ACSF3: variants seen among roughly 807,000 people sequenced by gnomAD.
The protein encoded by ACSF3 is acyl-CoA synthetase family member 3.
ACSF3 carries 78 observed loss-of-function variants against 53.2 expected under a neutral mutation model. The observed-to-expected ratio is 1.47, with a 90% CI of 1.22 to 1.77. ACSF3 has a LOEUF of 1.77. Among genes scored for constraint, ACSF3 ranks in the 40% most tolerant of loss-of-function variants. ACSF3 has a pLI of 0.00. For synonymous variants in ACSF3, 414 were observed against 333.1 expected, an observed-to-expected ratio of 1.24 and a Z score of -2.65; for missense variants, 937 against 771.1, an observed-to-expected ratio of 1.22 and a Z score of -2.55.
At chr16:89,111,436 C>G (rs1976664787) in intron 4 of ACSF3, among the ~76,000 whole-genome samples, 1 of 152,230 alleles carries the variant, frequency 6.6e-6, no homozygotes, top group Non-Finnish European at 1.5e-5. Flanking sequence ...TGTCCTGGGC[C>G]TCCCTTAGGT....
chr16:89,153,953 G>T, intron 10 of ACSF3, 137 bp from the exon 11 acceptor site: 1 of 845,618 alleles, frequency 1.2e-6, no homozygotes, highest in Non-Finnish European at 1.9e-6. Flanking sequence ...CGGTGCACCT[G>T]CCTGGCCTCA....
At chr16:89,130,928 G>T (rs1909145311) in intron 7 of ACSF3, among the ~76,000 whole-genome samples, 1 of 152,004 alleles carries the variant, frequency 6.6e-6, no homozygotes, top group Admixed American at 6.6e-5. Context: ...CATTTCTGTT[G>T]CTCTGTCTTC....
At position 89,145,926 on chromosome 16, in the gene ACSF3, T is replaced by C; in HGVS notation, c.1502-12T>C. 6.2e-7 allele frequency: 1 copy of C among 1,611,366 alleles called. No homozygotes were observed. The highest frequency in any genetic ancestry group is 1.7e-4 in the Middle Eastern group (1 of 6,058). ...GCATCCCCATGTTCTCAAACTGTTC[T>C]TCTATCCGCAGATGTGGCTGTGATT... On this transcript the variant is annotated splice_polypyrimidine_tract_variant and intron_variant, in intron 9 of 10. Coordinates refer to ENST00000614302, the MANE Select transcript of ACSF3 (RefSeq NM_001243279.3).
intron 4 of ACSF3, among the ~76,000 whole-genome samples, chr16:89,109,166 C>T (rs561249373): frequency 2.9e-4 from 40 of 139,550 alleles, no homozygotes; most frequent in African/African-American, 8.9e-4. Flanking sequence ...CAGGGGGCGG[C>T]GATTGCAGTG....
chr16:89,114,055 C>T, intron 5 of ACSF3: 1 of 475,274 alleles, frequency 2.1e-6, no homozygotes, highest in Non-Finnish European at 3.9e-6. Context: ...ACACCGCGGA[C>T]CCTAAGCACA....
At chr16:89,124,006 AGGTATCACACGCACGCAGTGTGCACACT>A (rs1272138766) in intron 7 of ACSF3, among the ~76,000 whole-genome samples, 18 of 90,188 alleles carry the variant, frequency 2.0e-4, no homozygotes, top group Middle Eastern at 6.2e-3. Context: ...GTGCACACAC[AGGTATCACACGCACGCAGTGTGCACACT>A]GGTATCACAC....
At chr16:89,101,468 C>G in intron 3 of ACSF3, 121 bp downstream of exon 3, 1 of 1,527,696 alleles carries the variant, frequency 6.5e-7, no homozygotes, top group South Asian at 1.2e-5. Flanking sequence ...TGTCACCATC[C>G]TGCAGACCCG....
At chr16:89,110,520 C>T (rs898268318) in intron 4 of ACSF3, among the ~76,000 whole-genome samples, 8 of 152,368 alleles carry the variant, frequency 5.3e-5, no homozygotes, top group African/African-American at 1.7e-4. Context: ...GGTCTCTTGT[C>T]TAATCTTACA....
At chr16:89,124,497 G>GTGT (rs1378207121) in intron 7 of ACSF3, among the ~76,000 whole-genome samples, 2 of 151,894 alleles carry the variant, frequency 1.3e-5, no homozygotes, top group African/African-American at 4.8e-5. Context: ...CTGAGTGTGT[G>GTGT]TTACCTGTGC....
At chr16:89,112,276 A>G (rs755343410) in intron 5 of ACSF3, 30 bp downstream of exon 5, 8 of 1,612,774 alleles carry the variant, frequency 5.0e-6, no homozygotes, top group African/African-American at 1.3e-5. Flanking sequence ...TTTCTCGTTC[A>G]GAAAGTCTTA....
chr16:89,155,001 C>A lies in ACSF3; in HGVS notation c.*794C>A. Reference sequence around the variant, plus strand: ...AGACCCCCACCTGCCCCATGGCCCCCATTTCATGTCTGTGGCTCACCAGCT... The same window carrying A: ...AGACCCCCACCTGCCCCATGGCCCCAATTTCATGTCTGTGGCTCACCAGCT... On this transcript the variant is annotated 3_prime_UTR_variant, in exon 11 of 11. Transcript: ENST00000614302. The A allele has an allele frequency of 2.2e-6, 1 of 454,156 alleles. No individual in the cohort carries two copies. Among genetic ancestry groups the A allele is most frequent in the South Asian group, 1.6e-5 (1 of 64,480 alleles). 28.1% of individuals were successfully genotyped at this position (454,156 alleles called of 1,614,324 possible).
chr16:89,128,135 C>T (rs1908522657), intron 7 of ACSF3, among the ~76,000 whole-genome samples: 1 of 151,724 alleles, frequency 6.6e-6, no homozygotes, highest in Non-Finnish European at 1.5e-5. Flanking sequence ...TAAGGTGAAG[C>T]TTTAGATTAT....
chr16:89,153,018 TACGGGCAGGGGCAG>T (rs1361945357), intron 10 of ACSF3: 2 of 152,476 alleles, frequency 1.3e-5, no homozygotes, highest in Admixed American at 1.3e-4. Context: ...GCGAGAGGCC[TACGGGCAGGGGCAG>T]GTGGGCAGGG....
chr16:89,135,458 C>T (rs985892163), intron 8 of ACSF3, among the ~76,000 whole-genome samples: 3 of 152,370 alleles, frequency 2.0e-5, no homozygotes, highest in East Asian at 1.9e-4. Flanking sequence ...CAGTGCCCCA[C>T]GCAGCATCTC....
chr16:89,097,044 T>C (rs1243571255), intron 1 of ACSF3, among the ~76,000 whole-genome samples: 2 of 152,276 alleles, frequency 1.3e-5, no homozygotes, highest in East Asian at 1.9e-4. Flanking sequence ...GCTCTGGGTT[T>C]TGTGGGGAAT....
intron 4 of ACSF3, among the ~76,000 whole-genome samples, chr16:89,104,179 T>C (rs1028702863): frequency 5.3e-5 from 8 of 152,234 alleles, no homozygotes; most frequent in Non-Finnish European, 7.3e-5. Flanking sequence ...GGTGAGGCCA[T>C]GGACGTTTAC....
chr16:89,124,157 A>T (rs1247667913), intron 7 of ACSF3, among the ~76,000 whole-genome samples: 1 of 151,792 alleles, frequency 6.6e-6, no homozygotes, highest in Non-Finnish European at 1.5e-5. Flanking sequence ...CACAAGTATC[A>T]CACACACATA....
intron 8 of ACSF3, among the ~76,000 whole-genome samples, chr16:89,139,253 C>A (rs1911250990): frequency 6.6e-6 from 1 of 152,162 alleles, no homozygotes; most frequent in African/African-American, 2.4e-5. Context: ...GGGCTGGTCT[C>A]CCCATGGCGC....
At chr16:89,141,310 A>G (rs1314476307) in intron 8 of ACSF3, 19 of 1,285,972 alleles carry the variant, frequency 1.5e-5, no homozygotes, top group Middle Eastern at 3.2e-4. Context: ...GGGAATGGGC[A>G]GGGAGATGTC....
Sources: allele counts gnomAD v4.1 joint callset (sites outside exome capture counted in the v4.1 genomes callset), GRCh38; gene constraint gnomAD v4.1.1; transcripts MANE v1.5; gene names NCBI Gene and HGNC (gene_info 2026-07-23, HGNC 2026-07-21).